Variants in PARP4 observed in about 807,000 individuals in gnomAD.
PARP4 encodes protein mono-ADP-ribosyltransferase PARP4.
A neutral mutation model predicts 187.7 loss-of-function variants in PARP4; 120 were observed. The ratio of observed to expected loss-of-function variants is 0.64; its 90% confidence interval spans 0.55 to 0.74. The LOEUF (loss-of-function observed/expected upper bound fraction) is 0.74, where lower values mean the gene tolerates loss of function less well. Among genes scored for constraint, PARP4 ranks in the 30% least tolerant of loss-of-function variants. The pLI is 0.00. For missense variants in PARP4, 1,836 were observed against 2,070.5 expected (o/e 0.89, Z 2.20); for synonymous variants, 654 against 740.9 (o/e 0.88, Z 1.90).
At chr13:24,429,185 GT>G (rs1870209763) in intron 32 of PARP4, among the ~76,000 whole-genome samples, 1 of 151,962 alleles carries the variant, frequency 6.6e-6, no homozygotes, top group Non-Finnish European at 1.5e-5. Flanking sequence ...TTTCTTTATA[GT>G]TTCCATCTAT....
chr13:24,479,669 A>G (rs1873165290), intron 12 of PARP4, among the ~76,000 whole-genome samples: 1 of 152,012 alleles, frequency 6.6e-6, no homozygotes, highest in Non-Finnish European at 1.5e-5. Context: ...TAAACGCACC[A>G]ATCAGCGCCC....
chr13:24,472,202 G>C (rs1281363003), intron 15 of PARP4, among the ~76,000 whole-genome samples: 1 of 152,156 alleles, frequency 6.6e-6, no homozygotes, highest in East Asian at 1.9e-4. Flanking sequence ...ATTAAGTACT[G>C]CATGTGGAAA....
chr13:24,508,323 T>C (rs891475014), intron 1 of PARP4, among the ~76,000 whole-genome samples: 17 of 152,338 alleles, frequency 1.1e-4, no homozygotes, highest in African/African-American at 4.1e-4. Context: ...AGATGGGTCC[T>C]GGATGTGTTA....
chr13:24,423,533 A>AAAAAAAAAT lies in PARP4; in HGVS notation c.4980-2220_4980-2219insATTTTTTTT, dbSNP rs138940651. On this transcript the variant is annotated intron_variant, in intron 33 of 33. Transcript: ENST00000381989. ...GTGACAGAACGAGATCTGGCCTCAA[A>AAAAAAAAAT]AAATAAATAAATAAATAAAAACAAA... Among the ~76,000 whole-genome samples the AAAAAAAAAT allele has an allele frequency of 4.1e-3, 618 of 150,834 alleles. 6 individuals are homozygous for AAAAAAAAAT. Among genetic ancestry groups the AAAAAAAAAT allele is most frequent in the African/African-American group, 0.014 (562 of 40,962 alleles).
intron 10 of PARP4, among the ~76,000 whole-genome samples, chr13:24,488,833 C>T (rs1868465847): frequency 6.6e-6 from 1 of 152,136 alleles, no homozygotes; most frequent in South Asian, 2.1e-4. Flanking sequence ...CCCAACCCTC[C>T]CTCTAATGGC....
At chr13:24,447,407 C>T (rs537811971) in intron 25 of PARP4, among the ~76,000 whole-genome samples, 51 of 152,336 alleles carry the variant, frequency 3.3e-4, no homozygotes, top group African/African-American at 1.2e-3. Context: ...GTCGCCCAGG[C>T]GGGAGTGCAG....
chr13:24,449,260 T>C (rs9318564), intron 25 of PARP4, among the ~76,000 whole-genome samples: 8,467 of 151,750 alleles, frequency 0.056, 805 homozygotes, highest in African/African-American at 0.19. Flanking sequence ...TGGTGGCTGG[T>C]GCCTGTAGTA....
chr13:24,469,256 C>G (rs531207431), intron 16 of PARP4, 146 bp from the exon 17 acceptor site: 1 of 614,442 alleles, frequency 1.6e-6, no homozygotes, highest in African/African-American at 1.8e-5. Context: ...AAGTGATCAT[C>G]GAAATATACT....
chr13:24,506,495 C>T (rs1275252372), intron 1 of PARP4, among the ~76,000 whole-genome samples: 1 of 152,164 alleles, frequency 6.6e-6, no homozygotes, highest in East Asian at 1.9e-4. Context: ...TTATAGAGCG[C>T]TGATTGGACT....
chr13:24,452,399 G>A lies in PARP4; in HGVS notation c.3014+7C>T. On this transcript the variant is annotated splice_region_variant and intron_variant, in intron 24 of 33. Coordinates refer to ENST00000381989, the MANE Select transcript of PARP4 (RefSeq NM_006437.4). ...CTGGACTATGTGACCAGCTCTCTGA[G>A]ACTCACCCGATACCGCAGGCGAATA... The A allele has an allele frequency of 6.2e-7, 1 of 1,608,214 alleles. No individual in the cohort carries two copies.
intron 10 of PARP4, among the ~76,000 whole-genome samples, chr13:24,489,653 A>G (rs76239851): frequency 0.013 from 2,051 of 152,276 alleles, 46 homozygotes; most frequent in African/African-American, 0.042. Flanking sequence ...AATCATAGCC[A>G]TCTTAGTAAA....
chr13:24,503,550 CCTG>C, intron 2 of PARP4, 92 bp downstream of exon 2: 3 of 1,420,136 alleles, frequency 2.1e-6, no homozygotes, highest in Non-Finnish European at 2.0e-6. Context: ...CTCACTCTCT[CCTG>C]CTGCTAATCT....
chr13:24,475,623 C>A, intron 14 of PARP4, 27 bp from the exon 15 acceptor site: 2 of 1,607,202 alleles, frequency 1.2e-6, no homozygotes, highest in South Asian at 2.2e-5. Flanking sequence ...TTACTATTAG[C>A]TTTCAAAACC....
At chr13:24,442,226 C>T (rs1870968046) in intron 29 of PARP4, among the ~76,000 whole-genome samples, 1 of 150,094 alleles carries the variant, frequency 6.7e-6, no homozygotes, top group African/African-American at 2.5e-5. Context: ...GAAGGGCTCT[C>T]AGGGAACCCA....
chr13:24,468,774 T>C (rs1297873271), intron 17 of PARP4, among the ~76,000 whole-genome samples: 13 of 152,208 alleles, frequency 8.5e-5, no homozygotes, highest in Non-Finnish European at 1.8e-4. Flanking sequence ...TGTCATTCCT[T>C]CTGGGAAACT....
At chr13:24,432,116 C>T (rs751574842) in intron 31 of PARP4, among the ~76,000 whole-genome samples, 17 of 152,082 alleles carry the variant, frequency 1.1e-4, no homozygotes, top group East Asian at 1.9e-4. Context: ...TTTTGACATA[C>T]GCATGATATT....
intron 12 of PARP4, among the ~76,000 whole-genome samples, chr13:24,483,471 C>A (rs537227815): frequency 2.7e-5 from 3 of 110,236 alleles, no homozygotes; most frequent in African/African-American, 7.1e-5. Context: ...CCGGCCTGGG[C>A]GACAGAGCGA....
At chr13:24,471,122 G>T (rs192546732) in intron 15 of PARP4, among the ~76,000 whole-genome samples, 1 of 152,182 alleles carries the variant, frequency 6.6e-6, no homozygotes, top group African/African-American at 2.4e-5. Context: ...AGTACTGACT[G>T]GGGGGACGTC....
chr13:24,491,082 G>T (rs1325667106), intron 9 of PARP4, among the ~76,000 whole-genome samples: 1 of 151,596 alleles, frequency 6.6e-6, no homozygotes. Context: ...GTATTTGAAT[G>T]GGCACTATAC....
Sources: allele counts gnomAD v4.1 joint callset (sites outside exome capture counted in the v4.1 genomes callset), GRCh38; gene constraint gnomAD v4.1.1; transcripts MANE v1.5; gene names NCBI Gene and HGNC (gene_info 2026-07-23, HGNC 2026-07-21).